Variants in LARS1 observed in about 807,000 individuals in gnomAD.
The protein encoded by LARS1 is leucine--tRNA ligase, cytoplasmic.
A neutral mutation model predicts 162.8 loss-of-function variants in LARS1; 100 were observed. The observed-to-expected ratio is 0.61, with a 90% CI of 0.52 to 0.73. The LOEUF (loss-of-function observed/expected upper bound fraction) is 0.73. Among genes scored for constraint, LARS1 ranks in the 30% least tolerant of loss-of-function variants. The pLI is 0.00. For synonymous variants in LARS1, 457 were observed against 462.8 expected, an observed-to-expected ratio of 0.99 and a Z score of 0.16; for missense variants, 1,258 against 1,408.9, an observed-to-expected ratio of 0.89 and a Z score of 1.71.
chr5:146,174,539 C>A (rs1353006546), intron 2 of LARS1, among the ~76,000 whole-genome samples: 1 of 79,024 alleles, frequency 1.3e-5, no homozygotes, highest in African/African-American at 4.0e-5. Flanking sequence ...TATATATATC[C>A]ATATATGTAT....
intron 22 of LARS1, among the ~76,000 whole-genome samples, chr5:146,134,219 G>GA (rs148079976): frequency 0.088 from 13,321 of 152,116 alleles, 717 homozygotes; most frequent in African/African-American, 0.15. Context: ...AATCCAATCT[G>GA]ACCCCATAGG....
chr5:146,177,571 G>A lies in LARS1; in HGVS notation c.101C>T (p.Ala34Val). Reference protein sequence around the residue: ...WDTERVFEVNASNLEKQTSKG... With the variant: ...WDTERVFEVNVSNLEKQTSKG... ...CCTGGTCTGTTTCTCTAAATTAGAT[G>A]CATTGACCTCAAACACTCTCTCAGT... The change falls in exon 2 of 32, where the codon GCA becomes GTA. Residue 34 changes from alanine to valine, a missense_variant. Coordinates refer to ENST00000394434, the MANE Select transcript of LARS1 (RefSeq NM_020117.11). The A allele has an allele frequency of 6.4e-7, 1 of 1,569,314 alleles. No homozygotes were observed.
intron 27 of LARS1, 100 bp from the exon 28 acceptor site, chr5:146,126,645 T>C: frequency 2.7e-6 from 2 of 731,740 alleles, no homozygotes; most frequent in Non-Finnish European, 4.7e-6. Flanking sequence ...CCTCTATCAA[T>C]CCTTAGAGAA....
intron 10 of LARS1, among the ~76,000 whole-genome samples, chr5:146,155,267 C>T (rs1753470590): frequency 6.6e-6 from 1 of 152,104 alleles, no homozygotes; most frequent in African/African-American, 2.4e-5. Context: ...GAATCCACAG[C>T]AAAAGCCACA....
At chr5:146,181,795 C>A (rs1211049316) in intron 1 of LARS1, among the ~76,000 whole-genome samples, 4 of 138,462 alleles carry the variant, frequency 2.9e-5, no homozygotes, top group African/African-American at 1.1e-4. Flanking sequence ...CACACATAAA[C>A]ACTATGAAAA....
At chr5:146,176,154 A>AAAAG (rs1043266521) in intron 2 of LARS1, among the ~76,000 whole-genome samples, 1 of 151,956 alleles carries the variant, frequency 6.6e-6, no homozygotes. Flanking sequence ...TTTGTCTAAA[A>AAAAG]AAAGAAAGAA....
chr5:146,122,098 T>C (rs1305119300), intron 30 of LARS1, among the ~76,000 whole-genome samples: 4 of 152,152 alleles, frequency 2.6e-5, no homozygotes, highest in Non-Finnish European at 5.9e-5. Flanking sequence ...CAATCCAGTT[T>C]ATACAAAACA....
intron 1 of LARS1, among the ~76,000 whole-genome samples, chr5:146,180,616 T>C (rs1158304419): frequency 1.3e-5 from 2 of 152,236 alleles, no homozygotes; most frequent in Non-Finnish European, 2.9e-5. Context: ...TTTCTTTTCA[T>C]TGTACTGAGT....
At chr5:146,150,637 A>AG (rs2126510905) in intron 14 of LARS1, among the ~76,000 whole-genome samples, 1 of 151,012 alleles carries the variant, frequency 6.6e-6, no homozygotes, top group East Asian at 1.9e-4. Context: ...AAAAAAAAAA[A>AG]AAAAAAGAAC....
At position 146,130,009 on chromosome 5, in the gene LARS1, T is replaced by A; in HGVS notation, c.2628+9A>T. The stretch of plus-strand genomic sequence containing the variant: ...AACCACTCGAAACATTTTAAATGCA[T>A]GAAGGTACCTTTCCCAGGAGTGTCC... On this transcript the variant is annotated intron_variant, in intron 25 of 31. Coordinates refer to ENST00000394434, the MANE Select transcript of LARS1 (RefSeq NM_020117.11). 1.3e-6 allele frequency: 2 copies of A among 1,598,816 alleles called. No homozygotes were observed. Among genetic ancestry groups the A allele is most frequent in the Non-Finnish European group, 8.5e-7 (1 of 1,174,830 alleles).
chr5:146,117,634 T>C (rs928367591), intron 31 of LARS1, among the ~76,000 whole-genome samples: 2 of 152,160 alleles, frequency 1.3e-5, no homozygotes, highest in South Asian at 2.1e-4. Flanking sequence ...AATATAATCC[T>C]ATCCAGTGGG....
intron 31 of LARS1, among the ~76,000 whole-genome samples, chr5:146,118,871 G>C (rs1751687738): frequency 6.6e-6 from 1 of 152,034 alleles, no homozygotes; most frequent in Non-Finnish European, 1.5e-5. Flanking sequence ...TGTTATGTTA[G>C]GTATATTTTA....
At chr5:146,148,165 G>A (rs1410759415) in intron 15 of LARS1, among the ~76,000 whole-genome samples, 3 of 152,192 alleles carry the variant, frequency 2.0e-5, no homozygotes, top group African/African-American at 4.8e-5. Context: ...ATCAGAGGCA[G>A]AATTTCACCA....
intron 2 of LARS1, 66 bp downstream of exon 2, chr5:146,177,481 A>ATATATAT (rs1554074060): frequency 6.8e-6 from 1 of 146,904 alleles, no homozygotes; most frequent in African/African-American, 2.8e-5. Flanking sequence ...AAAAAAAAAA[A>ATATATAT]AAATATATAT....
chr5:146,143,483 T>A lies in LARS1; in HGVS notation c.1806A>T (p.Ala602=). ...ESLSDSTIYM[A]FYTVAHLLQG... is the part of the protein sequence containing the mutation. ...GCAATAGGTGTGCAACTGTGTAAAA[T>A]GCCATGTAAATAGTGGAGTCAGAAA... Residue 602 remains alanine (A), a synonymous_variant, in exon 19 of 32, where the codon GCA becomes GCT. Coordinates refer to ENST00000394434, the MANE Select transcript of LARS1 (RefSeq NM_020117.11). 6.2e-7 allele frequency: 1 copy of A among 1,614,064 alleles called. No individual in the cohort carries two copies. Among genetic ancestry groups the A allele is most frequent in the Non-Finnish European group, 8.5e-7 (1 of 1,179,958 alleles).
At chr5:146,168,890 A>G (rs1754137287) in intron 4 of LARS1, among the ~76,000 whole-genome samples, 1 of 151,874 alleles carries the variant, frequency 6.6e-6, no homozygotes, top group African/African-American at 2.4e-5. Context: ...GGATAACATT[A>G]ATAACATTGT....
At position 146,133,058 on chromosome 5, in the gene LARS1, C is replaced by T; in HGVS notation, c.2236G>A (p.Ala746Thr). The T allele has an allele frequency of 6.2e-7, 1 of 1,612,682 alleles. No homozygotes were observed. The highest frequency in any genetic ancestry group is 2.2e-5 in the East Asian group (1 of 44,876). Residue 746 changes from alanine to threonine, a missense_variant, in exon 23 of 32, where the codon GCT (alanine) becomes ACT (threonine). By Grantham distance (58) the Ala-to-Thr change is moderately conservative. Coordinates refer to ENST00000394434, the MANE Select transcript of LARS1 (RefSeq NM_020117.11). The stretch of plus-strand genomic sequence containing the variant: ...TTGGCATCTTCTACAGTGTCACCAG[C>T]ATCAGCCAGAGCCAAACGCATTCCT... The part of the protein sequence containing the change: ...ADGMRLALAD[A>T]GDTVEDANFV...
rs145644461 is a variant in LARS1 at position 146,120,400 on chromosome 5, C to T, written c.3296G>A (p.Arg1099His). ...AATTCCTCGATTCATTTTCATTAAA[C>T]GCCTGATTATGGAATCACAGTTATC... ...QGDNCDSIIR[R>H]LMKMNRGIKD... The change falls in exon 31 of 32, where the codon CGT becomes CAT. Residue 1099 changes from arginine (R) to histidine (H), a missense_variant. By Grantham distance (29) the Arg-to-His change is conservative. Transcript: ENST00000394434. 84 of 1,613,194 alleles carry T rather than the reference C, an allele frequency of 5.2e-5. 1 individual carries two copies. Among genetic ancestry groups the T allele is most frequent in the South Asian group, 2.2e-4 (20 of 91,012 alleles).
intron 10 of LARS1, among the ~76,000 whole-genome samples, chr5:146,156,021 C>T (rs1252386414): frequency 6.6e-6 from 1 of 152,104 alleles, no homozygotes; most frequent in Non-Finnish European, 1.5e-5. Flanking sequence ...TATGTACTGA[C>T]AAAATGATTG....
Sources: allele counts gnomAD v4.1 joint callset (sites outside exome capture counted in the v4.1 genomes callset), GRCh38; gene constraint gnomAD v4.1.1; transcripts MANE v1.5; gene names NCBI Gene and HGNC (gene_info 2026-07-23, HGNC 2026-07-21).